The following DPP10 variants were observed in gnomAD, a reference collection of about 807,000 sequenced individuals.
DPP10 encodes inactive dipeptidyl peptidase 10.
DPP10 carries 33 observed loss-of-function variants against 120.9 expected under a neutral mutation model. The observed-to-expected ratio is 0.27, with a 90% confidence interval of 0.21 to 0.37. DPP10 has a LOEUF of 0.37. Ranked by LOEUF, DPP10 falls within the 10% of genes least tolerant of loss-of-function variation. DPP10 has a pLI of 1.00. For synonymous variants in DPP10, 337 were observed against 326.1 expected (o/e 1.03, Z -0.36); for missense variants, 816 against 942.8 (o/e 0.87, Z 1.76).
intron 7 of DPP10, among the ~76,000 whole-genome samples, chr2:115,705,238 A>G (rs866105848): frequency 1.1e-4 from 17 of 151,996 alleles, no homozygotes; most frequent in Admixed American, 7.2e-4. Context: ...CTTTTCAAAC[A>G]TATCTTTGAA....
At position 114,936,114 on chromosome 2, in the gene DPP10, A is replaced by G. The variant is rs1171979346; in HGVS notation, c.61-373125A>G. ...ACCCAAGCAGTGTATACTGTACCCA[A>G]CATGTAGTCTTTTATCCCTCACCTG... On this transcript the variant is annotated intron_variant, in intron 1 of 25. Transcript: ENST00000410059. Among the ~76,000 whole-genome samples the G allele has an allele frequency of 2.6e-5, 4 of 152,016 alleles. No individual in the cohort carries two copies. In the East Asian group the frequency reaches 5.8e-4, roughly 22 times the overall value.
At chr2:114,662,588 G>A (rs1223104153) in intron 1 of DPP10, among the ~76,000 whole-genome samples, 1 of 152,172 alleles carries the variant, frequency 6.6e-6, no homozygotes, top group Non-Finnish European at 1.5e-5. Flanking sequence ...AGAGGGCGCC[G>A]TTCTTCCCTG....
intron 1 of DPP10, among the ~76,000 whole-genome samples, chr2:115,203,160 GA>G (rs2055866447): frequency 1.3e-5 from 2 of 152,128 alleles, no homozygotes; most frequent in Admixed American, 6.6e-5. Flanking sequence ...AAGGACAACT[GA>G]AAAATGACAA....
chr2:115,480,079 G>T (rs1287050655), intron 3 of DPP10, among the ~76,000 whole-genome samples: 4 of 152,082 alleles, frequency 2.6e-5, no homozygotes, highest in African/African-American at 9.7e-5. Context: ...CTATAAGGGG[G>T]TGGAGATCAA....
At chr2:115,538,566 T>G (rs1306521703) in intron 5 of DPP10, among the ~76,000 whole-genome samples, 1 of 151,996 alleles carries the variant, frequency 6.6e-6, no homozygotes, top group Non-Finnish European at 1.5e-5. Context: ...GTTCAAATGA[T>G]TAAACTTAAC....
At chr2:115,009,682 G>A (rs970529408) in intron 1 of DPP10, among the ~76,000 whole-genome samples, 2 of 151,650 alleles carry the variant, frequency 1.3e-5, no homozygotes, top group Admixed American at 6.6e-5. Context: ...TGTAGATGAC[G>A]GGTTGATGGG....
intron 1 of DPP10, among the ~76,000 whole-genome samples, chr2:115,180,859 G>T (rs904287380): frequency 6.6e-6 from 1 of 152,058 alleles, no homozygotes; most frequent in African/African-American, 2.4e-5. Flanking sequence ...AGGACTGAGG[G>T]TAACCCCAAG....
chr2:115,177,019 C>G (rs140392864), intron 1 of DPP10, among the ~76,000 whole-genome samples: 1 of 152,254 alleles, frequency 6.6e-6, no homozygotes, highest in African/African-American at 2.4e-5. Flanking sequence ...TATTTTAAGA[C>G]AAAAAGTCAC....
chr2:115,452,719 T>C (rs548068817), intron 3 of DPP10, among the ~76,000 whole-genome samples: 7 of 152,048 alleles, frequency 4.6e-5, no homozygotes, highest in African/African-American at 1.7e-4. Flanking sequence ...AAGTATCATT[T>C]GTTCTTACCC....
intron 3 of DPP10, among the ~76,000 whole-genome samples, chr2:115,432,454 G>C (rs2071080248): frequency 1.3e-5 from 2 of 152,028 alleles, no homozygotes; most frequent in African/African-American, 4.8e-5. Flanking sequence ...CTTTAGGAAA[G>C]CCATTCCTAA....
chr2:115,671,188 T>G (rs1327258877), intron 5 of DPP10, among the ~76,000 whole-genome samples: 1 of 152,060 alleles, frequency 6.6e-6, no homozygotes, highest in Non-Finnish European at 1.5e-5. Context: ...CCAGTTTTTC[T>G]TTTTAAATTC....
intron 1 of DPP10, among the ~76,000 whole-genome samples, chr2:114,961,001 G>A (rs977615092): frequency 3.0e-5 from 4 of 134,230 alleles, no homozygotes; most frequent in African/African-American, 5.5e-5. Flanking sequence ...TGTGACATCT[G>A]CTAAGTAATA....
chr2:115,809,123 G>A (rs1439066409), intron 19 of DPP10, among the ~76,000 whole-genome samples: 1 of 152,164 alleles, frequency 6.6e-6, no homozygotes, highest in Admixed American at 6.5e-5. Flanking sequence ...ACATGATGAA[G>A]TAAATACAGT....
At chr2:115,299,660 G>A (rs2061038502) in intron 1 of DPP10, among the ~76,000 whole-genome samples, 1 of 151,932 alleles carries the variant, frequency 6.6e-6, no homozygotes, top group Non-Finnish European at 1.5e-5. Flanking sequence ...TAATGTGTTT[G>A]TGTGCATGCA....
chr2:114,883,064 A>G (rs1251772706), intron 1 of DPP10, among the ~76,000 whole-genome samples: 1 of 152,236 alleles, frequency 6.6e-6, no homozygotes, highest in Admixed American at 6.5e-5. Flanking sequence ...GCACAGAAAA[A>G]TCAGATGCCA....
At chr2:115,827,281 A>ATG (rs574248905) in intron 21 of DPP10, among the ~76,000 whole-genome samples, 1,910 of 150,470 alleles carry the variant, frequency 0.013, 43 homozygotes, top group African/African-American at 0.042. Context: ...GTATGTATAC[A>ATG]CATACATATA....
chr2:115,558,764 G>A (rs1424114241), intron 5 of DPP10, among the ~76,000 whole-genome samples: 2 of 152,042 alleles, frequency 1.3e-5, no homozygotes, highest in Non-Finnish European at 2.9e-5. Context: ...ATACAACTGA[G>A]GCATCAACAA....
At chr2:114,458,217 C>T (rs917193812) in intron 1 of DPP10, among the ~76,000 whole-genome samples, 1 of 152,158 alleles carries the variant, frequency 6.6e-6, no homozygotes, top group African/African-American at 2.4e-5. Flanking sequence ...ACAAATAGTA[C>T]CCCGTTCTTG....
intron 1 of DPP10, among the ~76,000 whole-genome samples, chr2:115,208,648 A>T (rs1393910336): frequency 6.6e-6 from 1 of 152,072 alleles, no homozygotes; most frequent in African/African-American, 2.4e-5. Flanking sequence ...CAGGGACTGT[A>T]GCAGGTGTTG....
Sources: gnomAD v4.1 joint callset for allele counts (sites outside exome capture counted in the v4.1 genomes callset) on GRCh38, gnomAD v4.1.1 for gene constraint, MANE v1.5 for transcripts, NCBI Gene and HGNC (gene_info 2026-07-23, HGNC 2026-07-21) for gene names.